The following LRP1B variants were observed in gnomAD, a reference collection of about 807,000 sequenced individuals.
The protein encoded by LRP1B is low-density lipoprotein receptor-related protein 1B.
A neutral mutation model predicts 556.6 loss-of-function variants in LRP1B; 217 were observed. The observed-to-expected ratio is 0.39, with a 90% CI of 0.35 to 0.44. LRP1B has a LOEUF of 0.44. LRP1B is among the 20% of genes least tolerant of loss of function. The pLI is 1.00. For synonymous variants in LRP1B, 2,047 were observed against 1,865.8 expected (o/e 1.10, Z -2.50); for missense variants, 5,053 against 5,620.8 (o/e 0.90, Z 3.23).
chr2:140,899,527 T>C (rs184716721), intron 23 of LRP1B, among the ~76,000 whole-genome samples: 12 of 152,324 alleles, frequency 7.9e-5, no homozygotes, highest in Middle Eastern at 3.4e-3. Flanking sequence ...GCCATTTCAT[T>C]TCTATGTTAA....
chr2:140,907,818 A>T, intron 22 of LRP1B, 59 bp downstream of exon 22: 1 of 1,419,168 alleles, frequency 7.0e-7, no homozygotes, highest in Middle Eastern at 1.8e-4. Flanking sequence ...AAGTAACAGC[A>T]ACTGAACTAA....
intron 3 of LRP1B, among the ~76,000 whole-genome samples, chr2:141,408,602 A>G (rs1052896753): frequency 6.6e-6 from 1 of 151,778 alleles, no homozygotes; most frequent in Admixed American, 6.6e-5. Context: ...ACAGAGTGTA[A>G]AAAAAAATAA....
intron 3 of LRP1B, among the ~76,000 whole-genome samples, chr2:141,262,276 A>AGT (rs58446704): frequency 0.046 from 6,914 of 150,006 alleles, 170 homozygotes; most frequent in South Asian, 0.11. Context: ...AGCGAGACGG[A>AGT]GTGTGTGTGT....
At chr2:140,706,343 C>T (rs1445142514) in intron 37 of LRP1B, among the ~76,000 whole-genome samples, 1 of 152,066 alleles carries the variant, frequency 6.6e-6, no homozygotes, top group Non-Finnish European at 1.5e-5. Context: ...TGTAGCCCTA[C>T]TAAAAATACT....
At chr2:141,291,878 A>AAAC (rs1338888028) in intron 3 of LRP1B, among the ~76,000 whole-genome samples, 102 of 77,692 alleles carry the variant, frequency 1.3e-3, no homozygotes, top group African/African-American at 3.4e-3. Flanking sequence ...AAAAAAAAAA[A>AAAC]AAAAAAAAAA....
At chr2:141,176,564 A>AACTGTGAG (rs111324870) in intron 7 of LRP1B, among the ~76,000 whole-genome samples, 5,241 of 152,128 alleles carry the variant, frequency 0.034, 129 homozygotes, top group African/African-American at 0.071. Flanking sequence ...AAGCCTGCAG[A>AACTGTGAG]ACTGTGAGTC....
rs142310272 is a variant in LRP1B, at chr2:140,391,941, G to T, written c.10415-5932C>A. On this transcript the variant is annotated intron_variant, in intron 66 of 90. Transcript: ENST00000389484. ...GACTTTGCATGTATCCCAAAGTAATGGGAAACACACCATGGCTGGAGTGAG... is the reference window on the plus strand; with the variant it reads ...GACTTTGCATGTATCCCAAAGTAATTGGAAACACACCATGGCTGGAGTGAG... 1.5e-3 allele frequency among the ~76,000 whole-genome samples: 231 copies of T among 152,184 alleles called. 1 individual carries two copies. Among genetic ancestry groups the T allele is most frequent in the African/African-American group, 5.0e-3 (206 of 41,524 alleles).
chr2:140,517,319 A>C (rs1226104677), intron 49 of LRP1B, among the ~76,000 whole-genome samples: 1 of 152,172 alleles, frequency 6.6e-6, no homozygotes, highest in Non-Finnish European at 1.5e-5. Flanking sequence ...AACATAAAAT[A>C]AAGTTAAAAA....
Position 141,998,388 on chromosome 2 carries a change from T to C in LRP1B, c.82+132260A>G, listed in dbSNP as rs142216448. On this transcript the variant is annotated intron_variant, in intron 1 of 90. Coordinates refer to ENST00000389484, the MANE Select transcript of LRP1B (RefSeq NM_018557.3). ...AGACAAAATTTGGGTTAGAGGCATG[T>C]GCTCTAGTGATACCGTACTTCTAAT... 4.5e-3 allele frequency among the ~76,000 whole-genome samples: 682 copies of C among 152,326 alleles called. 3 individuals carry two copies. Among genetic ancestry groups the C allele is most frequent in the African/African-American group, 0.016 (659 of 41,564 alleles).
At chr2:142,115,355 G>C (rs1707149637) in intron 1 of LRP1B, among the ~76,000 whole-genome samples, 1 of 148,104 alleles carries the variant, frequency 6.8e-6, no homozygotes, top group Admixed American at 7.0e-5. Context: ...AACTGAAAGA[G>C]CTCCCAGTGG....
chr2:140,430,548 G>C (rs561121172), intron 66 of LRP1B, among the ~76,000 whole-genome samples: 54 of 152,308 alleles, frequency 3.5e-4, no homozygotes, highest in African/African-American at 1.3e-3. Flanking sequence ...TAGCTTTCCA[G>C]CTTCTGTCCC....
At chr2:141,795,885 T>TAA (rs1695792476) in intron 2 of LRP1B, among the ~76,000 whole-genome samples, 1 of 75,194 alleles carries the variant, frequency 1.3e-5, no homozygotes, top group Non-Finnish European at 2.8e-5. Flanking sequence ...TATATATATA[T>TAA]ATATATATAT....
intron 1 of LRP1B, among the ~76,000 whole-genome samples, chr2:142,053,512 T>C (rs1361697818): frequency 6.6e-6 from 1 of 152,102 alleles, no homozygotes; most frequent in African/African-American, 2.4e-5. Context: ...GTAAAGATTA[T>C]AGATATAAAT....
At chr2:141,979,247 G>GA (rs1181865615) in intron 1 of LRP1B, among the ~76,000 whole-genome samples, 1 of 152,014 alleles carries the variant, frequency 6.6e-6, no homozygotes, top group African/African-American at 2.4e-5. Context: ...ATCACAATTG[G>GA]AAGAAAGCAA....
chr2:141,276,642 C>T (rs1408903510), intron 3 of LRP1B, among the ~76,000 whole-genome samples: 9 of 128,502 alleles, frequency 7.0e-5, no homozygotes, highest in Admixed American at 5.2e-4. Flanking sequence ...CTATTTTTTT[C>T]TTTCTTTCTT....
At position 142,030,873 on chromosome 2, in the gene LRP1B, T is replaced by G. The variant is rs185518827; in HGVS notation, c.82+99775A>C. ...AGCAGTGTCACTGAAGTACTTTAGC[T>G]TTTCCCAGCCACAATTTATTAGATA... On this transcript the variant is annotated intron_variant, in intron 1 of 90. Transcript: ENST00000389484. Among the ~76,000 whole-genome samples, 4 of 151,992 alleles carry G rather than the reference T, an allele frequency of 2.6e-5. No homozygotes were observed. In the East Asian group the frequency reaches 7.8e-4, roughly 30 times the overall value.
intron 37 of LRP1B, among the ~76,000 whole-genome samples, chr2:140,710,552 T>C (rs1686994933): frequency 6.6e-6 from 1 of 151,994 alleles, no homozygotes; most frequent in African/African-American, 2.4e-5. Flanking sequence ...AACATGGGAT[T>C]AGATGGGTTT....
intron 37 of LRP1B, among the ~76,000 whole-genome samples, chr2:140,707,956 T>C (rs1278190879): frequency 6.6e-6 from 1 of 152,082 alleles, no homozygotes; most frequent in African/African-American, 2.4e-5. Flanking sequence ...GTTGGTTTTG[T>C]GGTTGGTTCT....
chr2:140,337,974 A>C (rs1046855414), intron 77 of LRP1B, among the ~76,000 whole-genome samples: 2 of 151,898 alleles, frequency 1.3e-5, no homozygotes, highest in African/African-American at 4.8e-5. Flanking sequence ...TACTTTTTCA[A>C]GTAAACAGGC....
Sources: gnomAD v4.1 joint callset for allele counts (sites outside exome capture counted in the v4.1 genomes callset) on GRCh38, gnomAD v4.1.1 for gene constraint, MANE v1.5 for transcripts, NCBI Gene and HGNC (gene_info 2026-07-23, HGNC 2026-07-21) for gene names.